Variants in CCSER1 observed in about 807,000 individuals in gnomAD.
CCSER1 encodes the protein serine-rich coiled-coil domain-containing protein 1.
In CCSER1, 41 loss-of-function variants were observed where a neutral mutation model predicts 82.0. The observed-to-expected ratio is 0.50, with a 90% confidence interval of 0.39 to 0.65. The LOEUF is 0.65. Among genes scored for constraint, CCSER1 ranks in the 30% least tolerant of loss-of-function variants. The pLI is 0.00. For synonymous variants in CCSER1, 414 were observed against 383.9 expected (o/e 1.08, Z -0.92); for missense variants, 1,119 against 1,064.2 (o/e 1.05, Z -0.72).
intron 10 of CCSER1, among the ~76,000 whole-genome samples, chr4:91,476,902 A>G (rs1445603762): frequency 6.6e-6 from 1 of 151,782 alleles, no homozygotes; most frequent in Non-Finnish European, 1.5e-5. Flanking sequence ...CTCAATTAAT[A>G]CATAATAAAA....
intron 8 of CCSER1, among the ~76,000 whole-genome samples, chr4:90,899,022 G>T (rs961642071): frequency 6.6e-6 from 1 of 151,816 alleles, no homozygotes; most frequent in African/African-American, 2.4e-5. Flanking sequence ...TGAATCTGTA[G>T]ATTTTTTTGG....
chr4:90,737,466 C>T (rs2149429457), intron 7 of CCSER1, among the ~76,000 whole-genome samples: 1 of 152,244 alleles, frequency 6.6e-6, no homozygotes, highest in Non-Finnish European at 1.5e-5. Context: ...AAGGTTTCCA[C>T]TGAAAAGGCT....
chr4:90,155,370 C>G (rs1271155279), intron 1 of CCSER1, among the ~76,000 whole-genome samples: 1 of 152,084 alleles, frequency 6.6e-6, no homozygotes, highest in African/African-American at 2.4e-5. Context: ...CCCGGCTTTG[C>G]TATCAGGATG....
chr4:90,637,453 A>G (rs1377101880), intron 6 of CCSER1, among the ~76,000 whole-genome samples: 5 of 152,192 alleles, frequency 3.3e-5, no homozygotes, highest in Non-Finnish European at 1.5e-5. Flanking sequence ...GCATGGAAGA[A>G]CAATATGTAA....
At chr4:91,585,346 T>C (rs1763936902) in intron 10 of CCSER1, among the ~76,000 whole-genome samples, 3 of 151,562 alleles carry the variant, frequency 2.0e-5, no homozygotes, top group African/African-American at 4.8e-5. Context: ...TTTCACTCAA[T>C]CCCTTCCTTT....
At chr4:90,331,293 A>G (rs1432444992) in intron 3 of CCSER1, among the ~76,000 whole-genome samples, 1 of 152,110 alleles carries the variant, frequency 6.6e-6, no homozygotes, top group Non-Finnish European at 1.5e-5. Context: ...TGTTAAAAAG[A>G]TGATTTTATT....
chr4:91,163,864 A>C (rs1731728459), intron 10 of CCSER1, among the ~76,000 whole-genome samples: 1 of 152,114 alleles, frequency 6.6e-6, no homozygotes. Flanking sequence ...CAGCACACTG[A>C]TGGGTCTTGA....
intron 10 of CCSER1, among the ~76,000 whole-genome samples, chr4:91,217,136 G>A (rs943601865): frequency 3.3e-5 from 5 of 151,816 alleles, no homozygotes; most frequent in African/African-American, 7.3e-5. Flanking sequence ...AGACCTTCAC[G>A]GTGAGTGTTA....
intron 8 of CCSER1, among the ~76,000 whole-genome samples, chr4:90,858,216 T>G (rs1764679022): frequency 6.6e-6 from 1 of 152,060 alleles, no homozygotes; most frequent in African/African-American, 2.4e-5. Flanking sequence ...AAAATGGTAT[T>G]TCTTATTGCT....
At chr4:91,248,544 A>G (rs1051284722) in intron 10 of CCSER1, among the ~76,000 whole-genome samples, 1 of 152,196 alleles carries the variant, frequency 6.6e-6, no homozygotes, top group South Asian at 2.1e-4. Context: ...AAAACATCAT[A>G]TAAATCCCAA....
intron 10 of CCSER1, among the ~76,000 whole-genome samples, chr4:91,596,875 A>G (rs1454326798): frequency 6.6e-6 from 1 of 151,848 alleles, no homozygotes; most frequent in Non-Finnish European, 1.5e-5. Context: ...CAAGACAATA[A>G]AAAGGAAAGA....
chr4:90,785,253 G>T (rs1754332776), intron 7 of CCSER1, among the ~76,000 whole-genome samples: 1 of 152,012 alleles, frequency 6.6e-6, no homozygotes, highest in Non-Finnish European at 1.5e-5. Flanking sequence ...GTCCAGGCTG[G>T]TCTGGAACTC....
chr4:91,129,338 C>G (rs948992216), intron 10 of CCSER1, among the ~76,000 whole-genome samples: 9 of 152,024 alleles, frequency 5.9e-5, no homozygotes, highest in Non-Finnish European at 2.9e-5. Flanking sequence ...CCTAGAATCC[C>G]CCCAACATGA....
intron 9 of CCSER1, among the ~76,000 whole-genome samples, chr4:91,074,618 C>T (rs945796226): frequency 1.1e-4 from 17 of 152,072 alleles, no homozygotes; most frequent in Admixed American, 1.0e-3. Context: ...GATTAGGGAC[C>T]CCGTGGCCAG....
chr4:90,543,388 A>G (rs983774470), intron 5 of CCSER1, among the ~76,000 whole-genome samples: 1 of 152,182 alleles, frequency 6.6e-6, no homozygotes. Flanking sequence ...TAAATCCTGC[A>G]TTTGTAGAGC....
intron 5 of CCSER1, among the ~76,000 whole-genome samples, chr4:90,515,381 C>T (rs149779451): frequency 6.6e-6 from 1 of 152,262 alleles, no homozygotes; most frequent in African/African-American, 2.4e-5. Context: ...CATAATGAAT[C>T]ATTGATATTT....
intron 10 of CCSER1, among the ~76,000 whole-genome samples, chr4:91,483,453 G>A (rs1337519973): frequency 6.9e-6 from 1 of 144,920 alleles, no homozygotes; most frequent in Non-Finnish European, 1.5e-5. Context: ...TTTTTTTTTT[G>A]GAGATGGAGT....
At chr4:90,716,793 C>G (rs1741723145) in intron 6 of CCSER1, among the ~76,000 whole-genome samples, 1 of 152,058 alleles carries the variant, frequency 6.6e-6, no homozygotes, top group Non-Finnish European at 1.5e-5. Context: ...ACAAAAGCAC[C>G]TAACGATGCA....
chr4:90,697,134 T>C (rs1299989347), intron 6 of CCSER1, among the ~76,000 whole-genome samples: 1 of 152,148 alleles, frequency 6.6e-6, no homozygotes, highest in Non-Finnish European at 1.5e-5. Flanking sequence ...TTTCTCAAAG[T>C]GAGTCTCCAG....
Sources: allele counts gnomAD v4.1 joint callset (sites outside exome capture counted in the v4.1 genomes callset), GRCh38; gene constraint gnomAD v4.1.1; transcripts MANE v1.5; gene names NCBI Gene and HGNC (gene_info 2026-07-23, HGNC 2026-07-21).